Variants in PCP4 observed in about 807,000 individuals in gnomAD.
PCP4 encodes calmodulin regulator protein PCP4.
In PCP4, 8 loss-of-function variants were observed where a neutral mutation model predicts 10.0. That is an observed-to-expected ratio of 0.80 (90% CI 0.47 to 1.45). PCP4 has a LOEUF of 1.45. Ranked by LOEUF, PCP4 falls within the 40% of genes most tolerant of loss-of-function variation. PCP4 has a pLI of 0.00. For missense variants in PCP4, 54 were observed against 74.4 expected (o/e 0.73, Z 1.01); for synonymous variants, 21 against 23.0 (o/e 0.91, Z 0.24).
chr21:39,895,629 G>T (rs1008967452), intron 1 of PCP4, among the ~76,000 whole-genome samples: 1 of 152,234 alleles, frequency 6.6e-6, no homozygotes, highest in East Asian at 1.9e-4. Flanking sequence ...TGTGCCTCAG[G>T]ATATAATTGG....
At chr21:39,886,208 C>T (rs948853995) in intron 1 of PCP4, among the ~76,000 whole-genome samples, 6 of 152,112 alleles carry the variant, frequency 3.9e-5, no homozygotes, top group African/African-American at 1.2e-4. Flanking sequence ...CCCAATTCAG[C>T]CCACCATACT....
At chr21:39,881,946 T>G (rs777767973) in intron 1 of PCP4, among the ~76,000 whole-genome samples, 1 of 152,204 alleles carries the variant, frequency 6.6e-6, no homozygotes, top group Non-Finnish European at 1.5e-5. Context: ...TGCTTGGGCA[T>G]AATCCTAAGC....
intron 1 of PCP4, among the ~76,000 whole-genome samples, chr21:39,878,518 T>C (rs1037443337): frequency 1.3e-4 from 20 of 152,358 alleles, no homozygotes; most frequent in African/African-American, 4.8e-4. Flanking sequence ...CATCAATGAA[T>C]ATTTGGGCTC....
chr21:39,893,679 G>C (rs1247760160), intron 1 of PCP4, among the ~76,000 whole-genome samples: 1 of 152,196 alleles, frequency 6.6e-6, no homozygotes, highest in Admixed American at 6.5e-5. Context: ...ATGTTCTAAT[G>C]GTGAAATAAG....
intron 2 of PCP4, among the ~76,000 whole-genome samples, chr21:39,900,862 C>T (rs948202339): frequency 1.3e-5 from 2 of 152,016 alleles, no homozygotes; most frequent in East Asian, 1.9e-4. Context: ...TCAGGTGTAT[C>T]TGCCATACAC....
At chr21:39,902,341 A>G (rs567179647) in intron 2 of PCP4, among the ~76,000 whole-genome samples, 1 of 152,348 alleles carries the variant, frequency 6.6e-6, no homozygotes, top group East Asian at 1.9e-4. Context: ...TGTATAAAGC[A>G]ATAAAGACTG....
At chr21:39,876,328 G>T (rs2087345545) in intron 1 of PCP4, among the ~76,000 whole-genome samples, 1 of 151,946 alleles carries the variant, frequency 6.6e-6, no homozygotes, top group South Asian at 2.1e-4. Context: ...CTATCAGTTT[G>T]ACTACTTTTG....
In PCP4 at chr21:39,927,961, A is replaced by G. The variant is rs901047278; in HGVS notation, c.62-1023A>G. Reference sequence around the variant, plus strand: ...GAGACCCTCATGCCTGTATTTAAAAAAAGAAAGAAAAAGAAAAACGATGCC... The same window carrying G: ...GAGACCCTCATGCCTGTATTTAAAAGAAGAAAGAAAAAGAAAAACGATGCC... On this transcript the variant is annotated intron_variant, in intron 2 of 2. Coordinates refer to ENST00000328619, the MANE Select transcript of PCP4 (RefSeq NM_006198.3). Among the ~76,000 whole-genome samples, 8 of 152,334 alleles carry G rather than the reference A, an allele frequency of 5.3e-5. No individual in the cohort carries two copies. The South Asian group carries it at 6.2e-4, about 12-fold the overall frequency.
intron 1 of PCP4, among the ~76,000 whole-genome samples, chr21:39,893,353 C>A (rs181565500): frequency 1.4e-5 from 2 of 145,366 alleles, no homozygotes; most frequent in Admixed American, 7.3e-5. Context: ...ATGAGATTAT[C>A]AGAGGAAACA....
intron 2 of PCP4, among the ~76,000 whole-genome samples, chr21:39,915,406 A>G (rs2087564173): frequency 6.6e-6 from 1 of 152,234 alleles, no homozygotes; most frequent in African/African-American, 2.4e-5. Flanking sequence ...TCAACTTGAA[A>G]TAAAATGTTT....
At chr21:39,893,171 C>T (rs55697030) in intron 1 of PCP4, among the ~76,000 whole-genome samples, 705 of 152,260 alleles carry the variant, frequency 4.6e-3, no homozygotes, top group Non-Finnish European at 7.9e-3. Context: ...CTAATAAAAC[C>T]ATAGTGCAAC....
intron 2 of PCP4, among the ~76,000 whole-genome samples, chr21:39,922,407 T>C (rs1601189598): frequency 6.6e-6 from 1 of 152,216 alleles, no homozygotes; most frequent in African/African-American, 2.4e-5. Flanking sequence ...CCACCTTCTA[T>C]TCAGTTTCTG....
At chr21:39,896,408 T>C (rs2087457156) in intron 1 of PCP4, among the ~76,000 whole-genome samples, 1 of 152,216 alleles carries the variant, frequency 6.6e-6, no homozygotes, top group Admixed American at 6.5e-5. Flanking sequence ...TCCAACTCAG[T>C]AGTAGTCAGA....
chr21:39,924,988 A>T (rs2299800), intron 2 of PCP4, among the ~76,000 whole-genome samples: 21,063 of 152,200 alleles, frequency 0.14, 1,550 homozygotes, highest in South Asian at 0.26. Context: ...ATGAGGGTAC[A>T]CCTGTGCCTT....
chr21:39,889,883 T>G (rs532563301), intron 1 of PCP4, among the ~76,000 whole-genome samples: 2 of 152,356 alleles, frequency 1.3e-5, no homozygotes, highest in South Asian at 4.1e-4. Context: ...ACGTGTCTTT[T>G]AATGGGAACT....
intron 1 of PCP4, among the ~76,000 whole-genome samples, chr21:39,870,479 T>A (rs2087314331): frequency 1.3e-5 from 2 of 152,160 alleles, no homozygotes; most frequent in African/African-American, 4.8e-5. Context: ...GTTTACAAGG[T>A]GCATTCTTTC....
At chr21:39,882,261 G>T (rs562288918) in intron 1 of PCP4, among the ~76,000 whole-genome samples, 1 of 152,154 alleles carries the variant, frequency 6.6e-6, no homozygotes, top group Non-Finnish European at 1.5e-5. Context: ...CGAGTGCAGC[G>T]GTACATTACG....
At chr21:39,880,620 C>T (rs186821985) in intron 1 of PCP4, among the ~76,000 whole-genome samples, 1 of 152,162 alleles carries the variant, frequency 6.6e-6, no homozygotes, top group South Asian at 2.1e-4. Context: ...CATCCGCTGG[C>T]CAGTTTTGTC....
intron 1 of PCP4, among the ~76,000 whole-genome samples, chr21:39,876,186 T>C (rs1241536772): frequency 6.6e-6 from 1 of 151,914 alleles, no homozygotes; most frequent in Non-Finnish European, 1.5e-5. Context: ...CGGTATTAAT[T>C]ACATTTACAC....
Sources: allele counts gnomAD v4.1 joint callset (sites outside exome capture counted in the v4.1 genomes callset), GRCh38; gene constraint gnomAD v4.1.1; transcripts MANE v1.5; gene names NCBI Gene and HGNC (gene_info 2026-07-23, HGNC 2026-07-21).